NRCAM: variants seen among roughly 807,000 people sequenced by gnomAD.
The protein encoded by NRCAM is NgCAM-related cell adhesion molecule.
NRCAM carries 83 observed loss-of-function variants against 156.5 expected under a neutral mutation model. The observed-to-expected ratio is 0.53, with a 90% CI of 0.44 to 0.64. The LOEUF (loss-of-function observed/expected upper bound fraction) is 0.64, where lower values mean the gene tolerates loss of function less well. Ranked by LOEUF, NRCAM falls within the 30% of genes least tolerant of loss-of-function variation. The pLI, the probability that NRCAM is intolerant of heterozygous loss-of-function variation, is 0.00. For missense variants in NRCAM, 1,417 were observed against 1,597.3 expected, an observed-to-expected ratio of 0.89 and a Z score of 1.92; for synonymous variants, 538 against 563.9, an observed-to-expected ratio of 0.95 and a Z score of 0.65.
At chr7:108,347,542 T>C (rs543906515) in intron 2 of NRCAM, among the ~76,000 whole-genome samples, 3 of 152,248 alleles carry the variant, frequency 2.0e-5, no homozygotes, top group South Asian at 2.1e-4. Context: ...CTGGATTCCA[T>C]TTCAAATTCA....
At chr7:108,406,019 C>G (rs1376065669) in intron 1 of NRCAM, among the ~76,000 whole-genome samples, 1 of 151,310 alleles carries the variant, frequency 6.6e-6, no homozygotes, top group African/African-American at 2.4e-5. Context: ...CCCCAAGGGA[C>G]TGCTGTGTTC....
At chr7:108,188,341 T>A (rs1376191984) in intron 20 of NRCAM, among the ~76,000 whole-genome samples, 9 of 151,938 alleles carry the variant, frequency 5.9e-5, no homozygotes, top group Non-Finnish European at 1.3e-4. Context: ...TTAACACTCC[T>A]TACAGCAGGT....
chr7:108,345,591 G>A (rs1292296885), intron 2 of NRCAM, among the ~76,000 whole-genome samples: 1 of 152,094 alleles, frequency 6.6e-6, no homozygotes, highest in African/African-American at 2.4e-5. Context: ...TCATGAGGGT[G>A]GAGTCTTCAT....
intron 28 of NRCAM, among the ~76,000 whole-genome samples, chr7:108,169,251 T>G (rs978152926): frequency 1.3e-5 from 2 of 152,192 alleles, no homozygotes; most frequent in Admixed American, 1.3e-4. Context: ...ACATCTAAAG[T>G]CATTAAAAAA....
Position 108,278,899 on chromosome 7 carries a change from C to T in NRCAM, c.-107+33766G>A, listed in dbSNP as rs567682295. On this transcript the variant is annotated intron_variant, in intron 3 of 32. Transcript: ENST00000379028. Reference sequence around the variant, plus strand: ...TGTTCCTATTCGGCCATCTTGGAAGCGACTCCAATAATCCTGAATTCTAAA... The same window carrying T: ...TGTTCCTATTCGGCCATCTTGGAAGTGACTCCAATAATCCTGAATTCTAAA... 1.2e-4 allele frequency among the ~76,000 whole-genome samples: 18 copies of T among 152,284 alleles called. No homozygotes were observed. In the South Asian group the frequency reaches 3.1e-3, roughly 26 times the overall value.
chr7:108,168,082 A>G (rs1020823696), intron 29 of NRCAM, among the ~76,000 whole-genome samples, 195 bp downstream of exon 29: 2 of 152,228 alleles, frequency 1.3e-5, no homozygotes, highest in African/African-American at 2.4e-5. Flanking sequence ...TTAATAACAT[A>G]AAAAAGCAAT....
At chr7:108,405,456 A>G (rs1464372338) in intron 1 of NRCAM, among the ~76,000 whole-genome samples, 1 of 152,218 alleles carries the variant, frequency 6.6e-6, no homozygotes, top group African/African-American at 2.4e-5. Context: ...AACCCTCACA[A>G]TAATCCCATA....
intron 17 of NRCAM, among the ~76,000 whole-genome samples, chr7:108,192,397 T>G (rs532488858): frequency 6.6e-6 from 1 of 152,048 alleles, no homozygotes; most frequent in Non-Finnish European, 1.5e-5. Flanking sequence ...AATATATATA[T>G]GTATATACAT....
At chr7:108,254,551 C>CTTTATTTAT (rs71522863) in intron 3 of NRCAM, among the ~76,000 whole-genome samples, 6 of 130,330 alleles carry the variant, frequency 4.6e-5, no homozygotes, top group East Asian at 2.1e-4. Flanking sequence ...AACAATTTTG[C>CTTTATTTAT]TTTTTTTTTT....
At chr7:108,343,622 T>C (rs959785025) in intron 2 of NRCAM, among the ~76,000 whole-genome samples, 1 of 152,146 alleles carries the variant, frequency 6.6e-6, no homozygotes, top group African/African-American at 2.4e-5. Flanking sequence ...CATAGTTTCC[T>C]CCCCTCAGGA....
chr7:108,186,591 T>C (rs1303752263), intron 20 of NRCAM, among the ~76,000 whole-genome samples: 1 of 152,240 alleles, frequency 6.6e-6, no homozygotes, highest in African/African-American at 2.4e-5. Flanking sequence ...TCCCAAACTT[T>C]CTCGGTTCAT....
chr7:108,165,968 C>T (rs983588633), intron 30 of NRCAM, among the ~76,000 whole-genome samples: 6 of 152,228 alleles, frequency 3.9e-5, no homozygotes, highest in African/African-American at 1.4e-4. Flanking sequence ...AGGGATTGTT[C>T]TCCATCTAGC....
chr7:108,227,563 G>A (rs17155207), intron 8 of NRCAM, among the ~76,000 whole-genome samples: 10,473 of 152,208 alleles, frequency 0.069, 507 homozygotes, highest in African/African-American at 0.12. Context: ...GTTATTTAGA[G>A]GGAAGATTTT....
intron 3 of NRCAM, among the ~76,000 whole-genome samples, chr7:108,271,515 T>C (rs2097349240): frequency 6.6e-6 from 1 of 152,034 alleles, no homozygotes; most frequent in South Asian, 2.1e-4. Flanking sequence ...CTAGCCAACA[T>C]GGTGAAACTC....
At chr7:108,381,909 G>C (rs1181205279) in intron 2 of NRCAM, among the ~76,000 whole-genome samples, 1 of 152,046 alleles carries the variant, frequency 6.6e-6, no homozygotes, top group Non-Finnish European at 1.5e-5. Flanking sequence ...ATCCTATCTA[G>C]GGCAGACAGG....
In NRCAM at chr7:108,414,959, C is replaced by T. The variant is rs528341499; in HGVS notation, c.-331-15366G>A. Among the ~76,000 whole-genome samples the T allele has an allele frequency of 8.5e-5, 13 of 152,126 alleles. No individual in the cohort carries two copies. In the East Asian group the frequency reaches 2.5e-3, roughly 29 times the overall value. The stretch of plus-strand genomic sequence containing the variant: ...GGAGCAGCAGGGTGAGTCCAGGGTT[C>T]ATAGCAGAGGGCTGTGGAGGCAAGA... On this transcript the variant is annotated intron_variant, in intron 1 of 32. Coordinates refer to ENST00000379028, the MANE Select transcript of NRCAM (RefSeq NM_001037132.4).
intron 2 of NRCAM, among the ~76,000 whole-genome samples, chr7:108,389,391 T>C (rs932205256): frequency 5.9e-5 from 9 of 152,200 alleles, no homozygotes; most frequent in Admixed American, 3.3e-4. Context: ...CTTGTGATTT[T>C]TGCATATTGA....
intron 13 of NRCAM, among the ~76,000 whole-genome samples, chr7:108,199,253 AT>A (rs1043309232): frequency 4.7e-5 from 7 of 149,938 alleles, no homozygotes; most frequent in African/African-American, 1.7e-4. Flanking sequence ...ATAAAAAAAA[AT>A]TTGTTTCATC....
At chr7:108,310,036 A>G (rs573553750) in intron 3 of NRCAM, among the ~76,000 whole-genome samples, 2 of 152,172 alleles carry the variant, frequency 1.3e-5, no homozygotes, top group Non-Finnish European at 2.9e-5. Context: ...AGATGTACAT[A>G]TAACTTTAAC....
Sources: allele counts gnomAD v4.1 joint callset (sites outside exome capture counted in the v4.1 genomes callset), GRCh38; gene constraint gnomAD v4.1.1; transcripts MANE v1.5; gene names NCBI Gene and HGNC (gene_info 2026-07-23, HGNC 2026-07-21).